The following DDR2 variants were observed in gnomAD, a reference collection of about 807,000 sequenced individuals.
DDR2 encodes discoidin domain-containing receptor 2.
A neutral mutation model predicts 94.9 loss-of-function variants in DDR2; 27 were observed. The ratio of observed to expected loss-of-function variants is 0.28; its 90% CI spans 0.21 to 0.39. The LOEUF is 0.39. DDR2 is among the 10% of genes least tolerant of loss of function. The pLI is 1.00. For missense variants in DDR2, 783 were observed against 1,076.0 expected (o/e 0.73, Z 3.81); for synonymous variants, 382 against 377.2 (o/e 1.01, Z -0.15).
intron 3 of DDR2, among the ~76,000 whole-genome samples, chr1:162,750,171 G>C (rs190241790): frequency 0.011 from 1,670 of 152,188 alleles, 35 homozygotes; most frequent in African/African-American, 0.038. Flanking sequence ...AGAAATAAAG[G>C]GTATTTAATT....
intron 1 of DDR2, among the ~76,000 whole-genome samples, chr1:162,635,883 T>A (rs1428339528): frequency 6.6e-6 from 1 of 152,222 alleles, no homozygotes; most frequent in Non-Finnish European, 1.5e-5. Flanking sequence ...CTGTGTTGTC[T>A]TTGGCAATTC....
At chr1:162,736,091 G>T (rs1662285229) in intron 3 of DDR2, among the ~76,000 whole-genome samples, 1 of 152,240 alleles carries the variant, frequency 6.6e-6, no homozygotes, top group South Asian at 2.1e-4. Context: ...CCTGGGAGCA[G>T]TGGCTCCAGA....
intron 2 of DDR2, among the ~76,000 whole-genome samples, chr1:162,694,675 T>C (rs1047807059): frequency 6.6e-6 from 1 of 152,098 alleles, no homozygotes; most frequent in Non-Finnish European, 1.5e-5. Flanking sequence ...AAGTTTCTGA[T>C]GTTTAGAAAT....
intron 2 of DDR2, among the ~76,000 whole-genome samples, chr1:162,670,086 GATTTGCTTTGTAAAC>G (rs1357729135): frequency 6.6e-6 from 1 of 152,198 alleles, no homozygotes; most frequent in Non-Finnish European, 1.5e-5. Context: ...TTATATAGAT[GATTTGCTTTGTAAAC>G]ATTTGTTTTG....
intron 17 of DDR2, among the ~76,000 whole-genome samples, chr1:162,778,955 G>T (rs1198565089): frequency 1.3e-5 from 2 of 152,090 alleles, no homozygotes; most frequent in Admixed American, 6.5e-5. Context: ...GAGCATAAAG[G>T]GTCATGTCAG....
intron 2 of DDR2, among the ~76,000 whole-genome samples, chr1:162,676,942 G>A (rs1659158672): frequency 6.6e-6 from 1 of 152,116 alleles, no homozygotes; most frequent in African/African-American, 2.4e-5. Flanking sequence ...TCTTTATAGT[G>A]GAAAAGTCAA....
chr1:162,645,702 C>T (rs759696813), intron 1 of DDR2, among the ~76,000 whole-genome samples: 37 of 152,208 alleles, frequency 2.4e-4, no homozygotes, highest in Non-Finnish European at 4.4e-4. Context: ...TTTGAGGGTT[C>T]ATAAGTTCAG....
At chr1:162,702,384 A>C (rs1660471461) in intron 2 of DDR2, among the ~76,000 whole-genome samples, 1 of 152,302 alleles carries the variant, frequency 6.6e-6, no homozygotes, top group Non-Finnish European at 1.5e-5. Context: ...CCATGCAAGC[A>C]GTGACTTCAG....
intron 13 of DDR2, 38 bp downstream of exon 13, chr1:162,772,285 G>A: frequency 6.2e-7 from 1 of 1,601,052 alleles, no homozygotes. Context: ...GCTCGAAGAA[G>A]GTGGTTGGAT....
At chr1:162,677,341 A>G (rs1452676538) in intron 2 of DDR2, among the ~76,000 whole-genome samples, 2 of 152,228 alleles carry the variant, frequency 1.3e-5, no homozygotes, top group Non-Finnish European at 1.5e-5. Flanking sequence ...AGACTTAGTC[A>G]AGAGGGCAAG....
At chr1:162,636,932 C>T (rs1571124985) in intron 1 of DDR2, among the ~76,000 whole-genome samples, 2 of 151,990 alleles carry the variant, frequency 1.3e-5, no homozygotes, top group East Asian at 3.8e-4. Context: ...TCTCAGTGAA[C>T]TCTCATGTCT....
intron 7 of DDR2, 37 bp downstream of exon 7, chr1:162,755,806 G>A (rs1157966393): frequency 2.0e-6 from 3 of 1,523,764 alleles, no homozygotes; most frequent in African/African-American, 1.4e-5. Context: ...TGGGAAATTG[G>A]CCACTAAGAA....
chr1:162,783,934 G>C lies in DDR2; in HGVS notation c.*3688G>C, dbSNP rs1205364295. ...TTGGAAATGAAGACCCAGAGATGCAGAGCTTATGGTAGTTCATAAATCTTC... is the reference window on the plus strand; with the variant it reads ...TTGGAAATGAAGACCCAGAGATGCACAGCTTATGGTAGTTCATAAATCTTC... On this transcript the variant is annotated 3_prime_UTR_variant, in exon 18 of 18. Transcript: ENST00000367921. 2 of 152,198 alleles carry C rather than the reference G, an allele frequency of 1.3e-5. No individual in the cohort carries two copies. The highest frequency in any genetic ancestry group is 2.4e-5 in the African/African-American group (1 of 41,448). The allele number at this position is 152,198 out of a possible 1,614,324, so 9.4% of individuals were successfully genotyped here.
At chr1:162,770,763 A>G (rs1664230993) in intron 12 of DDR2, 1 of 567,152 alleles carries the variant, frequency 1.8e-6, no homozygotes, top group Admixed American at 2.5e-5. Context: ...ATAATAAAAC[A>G]TGTGAATTAG....
chr1:162,735,509 A>G (rs948786676), intron 3 of DDR2, among the ~76,000 whole-genome samples: 18 of 152,306 alleles, frequency 1.2e-4, no homozygotes, highest in Admixed American at 2.6e-4. Flanking sequence ...TAGCGTTGCT[A>G]ATGAGTTTCC....
chr1:162,772,320 TC>T, intron 13 of DDR2, 73 bp downstream of exon 13: 1 of 1,462,700 alleles, frequency 6.8e-7, no homozygotes, highest in East Asian at 2.4e-5. Context: ...GAACAAAGAG[TC>T]CCTTCCAGAG....
At position 162,700,002 on chromosome 1, in the gene DDR2, A is replaced by G. The variant is rs76837664; in HGVS notation, c.-27-19035A>G. The stretch of plus-strand genomic sequence containing the variant: ...ATTTCCCATGCATGCCCTAACTATA[A>G]TCATAAGCATCTGCAACTCTGTTTT... On this transcript the variant is annotated intron_variant, in intron 2 of 17. Transcript: ENST00000367921. Among the ~76,000 whole-genome samples, 1,401 of 152,326 alleles carry G rather than the reference A, an allele frequency of 9.2e-3. 11 individuals are homozygous for G. The highest frequency in any genetic ancestry group is 0.013 in the Non-Finnish European group (890 of 68,026).
chr1:162,681,197 C>T (rs1659381114), intron 2 of DDR2, among the ~76,000 whole-genome samples: 1 of 152,112 alleles, frequency 6.6e-6, no homozygotes, highest in Non-Finnish European at 1.5e-5. Context: ...GTGCACTGTA[C>T]TCAGCCTTGA....
intron 2 of DDR2, among the ~76,000 whole-genome samples, chr1:162,681,299 A>G (rs1460277981): frequency 6.6e-6 from 1 of 152,154 alleles, no homozygotes; most frequent in African/African-American, 2.4e-5. Flanking sequence ...ACAATCTACA[A>G]TTGTAGATTG....
Sources: gnomAD v4.1 joint callset for allele counts (sites outside exome capture counted in the v4.1 genomes callset) on GRCh38, gnomAD v4.1.1 for gene constraint, MANE v1.5 for transcripts, NCBI Gene and HGNC (gene_info 2026-07-23, HGNC 2026-07-21) for gene names.